The following RNF6 variants were observed in gnomAD, a reference collection of about 807,000 sequenced individuals.
The protein encoded by RNF6 is E3 ubiquitin-protein ligase RNF6.
RNF6 carries 21 observed loss-of-function variants against 50.1 expected under a neutral mutation model. The ratio of observed to expected loss-of-function variants is 0.42; its 90% confidence interval spans 0.30 to 0.60. The LOEUF (loss-of-function observed/expected upper bound fraction) is 0.60. Ranked by LOEUF, RNF6 falls within the 20% of genes least tolerant of loss-of-function variation. The pLI is 0.20. For synonymous variants in RNF6, 255 were observed against 291.8 expected, an observed-to-expected ratio of 0.87 and a Z score of 1.29; for missense variants, 698 against 838.2, an observed-to-expected ratio of 0.83 and a Z score of 2.07.
At chr13:26,218,659 A>G in intron 3 of RNF6, 53 bp from the exon 4 acceptor site, 5 of 1,375,854 alleles carry the variant, frequency 3.6e-6, no homozygotes, top group Non-Finnish European at 5.2e-6. Context: ...GTTTTATGAG[A>G]CCTCATGAAG....
In RNF6 at chr13:26,197,384, C is replaced by A. The variant is rs544874268; in HGVS notation, n.768+18090G>T. On this transcript the variant is annotated intron_variant and non_coding_transcript_variant, in intron 5 of 5. Transcript: ENST00000468480. ...AACTCAGGAGTGTCTTTCCCAAGGA[C>A]CTAAAAGCCATTCCTTTGAAATGTA... 9.9e-5 allele frequency among the ~76,000 whole-genome samples: 15 copies of A among 152,030 alleles called. 1 individual carries two copies. The highest frequency in any genetic ancestry group is 3.6e-4 in the African/African-American group (15 of 41,340).
intron 3 of RNF6, 27 bp downstream of exon 3, chr13:26,219,430 G>A: frequency 1.3e-6 from 2 of 1,515,330 alleles, no homozygotes; most frequent in Non-Finnish European, 1.8e-6. Context: ...TGAAAAAAGG[G>A]TGTTTCCTCT....
intron 5 of RNF6, among the ~76,000 whole-genome samples, chr13:26,166,936 A>T (rs1457937068): frequency 6.6e-6 from 1 of 152,218 alleles, no homozygotes; most frequent in Non-Finnish European, 1.5e-5. Context: ...AAACATCACT[A>T]TCACTATCAC....
At chr13:26,160,391 C>T (rs1186905204) in intron 5 of RNF6, among the ~76,000 whole-genome samples, 1 of 151,922 alleles carries the variant, frequency 6.6e-6, no homozygotes, top group Non-Finnish European at 1.5e-5. Flanking sequence ...CTTCTACTAC[C>T]TATTTTTTTT....
At chr13:26,162,186 T>G (rs1269658381) in intron 5 of RNF6, among the ~76,000 whole-genome samples, 1 of 152,082 alleles carries the variant, frequency 6.6e-6, no homozygotes, top group Non-Finnish European at 1.5e-5. Flanking sequence ...CTCCTCTATC[T>G]GGCTTGTGCA....
At chr13:26,157,528 T>A (rs967866742) in intron 5 of RNF6, among the ~76,000 whole-genome samples, 1 of 152,132 alleles carries the variant, frequency 6.6e-6, no homozygotes, top group Non-Finnish European at 1.5e-5. Context: ...TCTTTAAAAA[T>A]TATTAATAAA....
chr13:26,215,802 A>G (rs1158603436), intron 4 of RNF6, among the ~76,000 whole-genome samples: 1 of 152,260 alleles, frequency 6.6e-6, no homozygotes, highest in Non-Finnish European at 1.5e-5. Context: ...TTACATAGTT[A>G]CAAAGCTTTA....
At chr13:26,196,793 A>C (rs1402019683) in intron 5 of RNF6, among the ~76,000 whole-genome samples, 2 of 151,938 alleles carry the variant, frequency 1.3e-5, no homozygotes, top group Non-Finnish European at 2.9e-5. Context: ...GCCACCAGAA[A>C]TGTTAAGTAG....
In RNF6 at chr13:26,165,126, G is replaced by A. The variant is rs181350462; in HGVS notation, n.769-32675C>T. On this transcript the variant is annotated intron_variant and non_coding_transcript_variant, in intron 5 of 5. Coordinates refer to the RNF6 transcript ENST00000468480. ...TATGCTGTGTGCAGCCTAGGGACTC[G>A]GCGCCCTGCATTCCAGCTGCCCCAG... 5.9e-4 allele frequency among the ~76,000 whole-genome samples: 90 copies of A among 152,274 alleles called. 1 individual carries two copies. Among genetic ancestry groups the A allele is most frequent in the Admixed American group, 1.2e-3 (19 of 15,290 alleles).
intron 5 of RNF6, among the ~76,000 whole-genome samples, chr13:26,180,664 A>G (rs1420109436): frequency 1.3e-5 from 2 of 152,238 alleles, no homozygotes; most frequent in African/African-American, 2.4e-5. Context: ...CGTATTCCAG[A>G]CAACCCACAT....
intron 5 of RNF6, among the ~76,000 whole-genome samples, chr13:26,186,215 A>G (rs1486943614): frequency 6.6e-6 from 1 of 152,212 alleles, no homozygotes; most frequent in Non-Finnish European, 1.5e-5. Flanking sequence ...AAGTTCAAAA[A>G]CAGATCTTAA....
intron 5 of RNF6, among the ~76,000 whole-genome samples, chr13:26,162,366 T>G (rs1257401673): frequency 1.3e-5 from 2 of 152,176 alleles, no homozygotes; most frequent in African/African-American, 4.8e-5. Flanking sequence ...TAGCCTAAAC[T>G]CTCCCTTTGT....
chr13:26,172,646 C>A (rs1296969058), intron 5 of RNF6, among the ~76,000 whole-genome samples: 3 of 152,048 alleles, frequency 2.0e-5, no homozygotes, highest in East Asian at 1.9e-4. Flanking sequence ...CGGGTTCACG[C>A]CATTGTCCTG....
At chr13:26,147,612 C>A (rs1871317956) in intron 5 of RNF6, among the ~76,000 whole-genome samples, 1 of 152,146 alleles carries the variant, frequency 6.6e-6, no homozygotes, top group African/African-American at 2.4e-5. Context: ...CAGGGTCTTC[C>A]CACACATCCT....
chr13:26,176,185 G>A (rs749098966), intron 5 of RNF6, among the ~76,000 whole-genome samples: 8 of 152,172 alleles, frequency 5.3e-5, no homozygotes, highest in African/African-American at 1.9e-4. Flanking sequence ...ACTGAAATTC[G>A]CCCTTCCTAG....
intron 5 of RNF6, among the ~76,000 whole-genome samples, chr13:26,162,521 T>C (rs959539182): frequency 1.3e-5 from 2 of 152,206 alleles, no homozygotes; most frequent in Non-Finnish European, 2.9e-5. Context: ...TGCACCTGAC[T>C]GATCATCTCA....
intron 5 of RNF6, among the ~76,000 whole-genome samples, chr13:26,144,700 T>C (rs1394987492): frequency 6.6e-6 from 1 of 152,222 alleles, no homozygotes; most frequent in Admixed American, 6.5e-5. Flanking sequence ...TGCAGAACTA[T>C]CCGTAAACTG....
intron 5 of RNF6, among the ~76,000 whole-genome samples, chr13:26,200,491 C>T (rs1404365878): frequency 1.3e-5 from 2 of 151,538 alleles, no homozygotes; most frequent in Non-Finnish European, 2.9e-5. Context: ...CTCACTGCAA[C>T]CTCCACCTCC....
Position 26,157,196 on chromosome 13 carries a change from C to T in RNF6, n.769-24745G>A, listed in dbSNP as rs138050403. ...CTATATTAAAAACCATCAAACTGTA[C>T]ACTTTAAATTGGGCAAATTAAATGA... On this transcript the variant is annotated intron_variant and non_coding_transcript_variant, in intron 5 of 5. Transcript: ENST00000468480. Among the ~76,000 whole-genome samples the T allele has an allele frequency of 1.2e-4, 19 of 152,148 alleles. No individual in the cohort carries two copies. The East Asian group carries it at 3.5e-3, about 28-fold the overall frequency.
Sources: allele counts gnomAD v4.1 joint callset (sites outside exome capture counted in the v4.1 genomes callset), GRCh38; gene constraint gnomAD v4.1.1; transcripts MANE v1.5; gene names NCBI Gene and HGNC (gene_info 2026-07-23, HGNC 2026-07-21).